Variants in TRPC4AP observed in about 807,000 individuals in gnomAD.
The protein encoded by TRPC4AP is short transient receptor potential channel 4-associated protein.
In TRPC4AP, 45 loss-of-function variants were observed where a neutral mutation model predicts 99.0. That is an observed-to-expected ratio of 0.45 (90% CI 0.36 to 0.58). The LOEUF is 0.58. TRPC4AP is among the 20% of genes least tolerant of loss of function. TRPC4AP has a pLI of 0.00. For synonymous variants in TRPC4AP, 408 were observed against 385.8 expected (o/e 1.06, Z -0.67); for missense variants, 879 against 985.3 (o/e 0.89, Z 1.44).
intron 1 of TRPC4AP, among the ~76,000 whole-genome samples, chr20:35,086,495 ATGTGTATATATATGTG>A (rs2084867090): frequency 9.2e-6 from 1 of 109,158 alleles, no homozygotes; most frequent in African/African-American, 3.5e-5. Flanking sequence ...GTATATATAT[ATGTGTATATATATGTG>A]TGTGTGTGTA....
At chr20:35,073,553 T>C (rs1240022622) in intron 2 of TRPC4AP, among the ~76,000 whole-genome samples, 2 of 152,244 alleles carry the variant, frequency 1.3e-5, no homozygotes, top group African/African-American at 4.8e-5. Context: ...TCTTTGGTTC[T>C]GTTTATATGA....
At chr20:35,005,320 G>A (rs1019361833) in intron 16 of TRPC4AP, among the ~76,000 whole-genome samples, 10 of 152,210 alleles carry the variant, frequency 6.6e-5, no homozygotes, top group South Asian at 2.1e-4. Flanking sequence ...AAACGCGTGC[G>A]CATACACATG....
chr20:35,021,917 A>ATCT (rs2147298462), intron 8 of TRPC4AP, among the ~76,000 whole-genome samples: 1 of 152,334 alleles, frequency 6.6e-6, no homozygotes, highest in South Asian at 2.1e-4. Context: ...TGAACATATT[A>ATCT]TCTACAGGCA....
Position 35,021,260 on chromosome 20 carries a change from T to A in TRPC4AP, c.1148A>T (p.His383Leu), listed in dbSNP as rs572367487. ...TQLPQSMKIM[H>L]EIMYKLEVLY... ...CACTTCCAGTTTGTACATGATCTCA[T>A]GCATAATCTTCATTGACTGGGGCAG... The change falls in exon 9 of 19, where the codon CAT (histidine) becomes CTT (leucine). Residue 383 changes from histidine to leucine, a missense_variant. His to Leu is a moderately conservative substitution (Grantham distance 99, BLOSUM62 -3). Coordinates refer to ENST00000252015, the MANE Select transcript of TRPC4AP (RefSeq NM_015638.3). 8 of 1,614,178 alleles carry A rather than the reference T, an allele frequency of 5.0e-6. No individual in the cohort carries two copies. The highest frequency in any genetic ancestry group is 4.4e-5 in the South Asian group (4 of 91,086).
chr20:35,055,134 G>A, intron 4 of TRPC4AP, 103 bp from the exon 5 acceptor site: 1 of 1,007,064 alleles, frequency 9.9e-7, no homozygotes, highest in Non-Finnish European at 1.5e-6. Context: ...TCCCCTCCAA[G>A]ATGATTATTT....
intron 13 of TRPC4AP, among the ~76,000 whole-genome samples, chr20:35,008,396 G>A (rs1569079542): frequency 6.6e-6 from 1 of 152,118 alleles, no homozygotes; most frequent in Admixed American, 6.5e-5. Flanking sequence ...TCATGGCAGG[G>A]CCCGTATCCT....
intron 1 of TRPC4AP, among the ~76,000 whole-genome samples, chr20:35,089,128 CA>C (rs1417534796): frequency 6.6e-6 from 1 of 151,498 alleles, no homozygotes; most frequent in Non-Finnish European, 1.5e-5. Context: ...CTCAGCTTCC[CA>C]AAGTGTTGGG....
intron 8 of TRPC4AP, among the ~76,000 whole-genome samples, chr20:35,024,114 C>T (rs987828376): frequency 2.8e-5 from 4 of 143,722 alleles, no homozygotes; most frequent in South Asian, 4.5e-4. Flanking sequence ...CTGTTTTCTG[C>T]GGACATGCAC....
intron 1 of TRPC4AP, among the ~76,000 whole-genome samples, chr20:35,080,522 C>T (rs1207657767): frequency 2.7e-5 from 3 of 110,356 alleles, no homozygotes; most frequent in East Asian, 2.5e-4. Context: ...AAAAACAAAG[C>T]GAGACTCCAT....
At chr20:35,048,809 C>G (rs1398305099) in intron 6 of TRPC4AP, among the ~76,000 whole-genome samples, 2 of 152,200 alleles carry the variant, frequency 1.3e-5, no homozygotes, top group South Asian at 2.1e-4. Context: ...GGTCCCCTTT[C>G]ACACACTGGC....
At chr20:35,057,443 G>A in intron 4 of TRPC4AP, 71 bp downstream of exon 4, 2 of 1,237,332 alleles carry the variant, frequency 1.6e-6, no homozygotes, top group Non-Finnish European at 2.3e-6. Context: ...AAGGAAGAAG[G>A]CAGCTGCTGG....
At chr20:35,031,413 T>TC (rs1406514620) in intron 8 of TRPC4AP, among the ~76,000 whole-genome samples, 10 of 128,758 alleles carry the variant, frequency 7.8e-5, no homozygotes, top group South Asian at 2.6e-4. Flanking sequence ...TTTTTTTTTT[T>TC]TTCAAAGAGA....
Position 35,021,307 on chromosome 20 carries a change from A to C in TRPC4AP, c.1101T>G (p.Pro367=). 2 of 1,614,202 alleles carry C rather than the reference A, an allele frequency of 1.2e-6. No homozygotes were observed. Among genetic ancestry groups the C allele is most frequent in the Non-Finnish European group, 1.7e-6 (2 of 1,180,044 alleles). The part of the protein sequence containing the change: ...PPGASEENGL[P]HTSARTQLPQ... ...GCAGCTGGGTTCTGGCTGACGTGTG[A>C]GGCAGGCCATTCTCCTCAGAAGCCC... The change falls in exon 9 of 19, where the codon CCT becomes CCG. Residue 367 remains proline (P), a synonymous_variant. Transcript: ENST00000252015.
intron 6 of TRPC4AP, among the ~76,000 whole-genome samples, chr20:35,048,991 G>A (rs1569120516): frequency 6.6e-6 from 1 of 152,174 alleles, no homozygotes; most frequent in Non-Finnish European, 1.5e-5. Context: ...TGAACGCTGG[G>A]TTCACCACAG....
At chr20:35,090,777 G>A (rs1373974450) in intron 1 of TRPC4AP, among the ~76,000 whole-genome samples, 1 of 152,092 alleles carries the variant, frequency 6.6e-6, no homozygotes, top group Non-Finnish European at 1.5e-5. Context: ...AACTTCTGTG[G>A]CTCCCTATTA....
intron 3 of TRPC4AP, among the ~76,000 whole-genome samples, chr20:35,060,496 TAGG>T (rs2083970722): frequency 7.0e-6 from 1 of 141,894 alleles, no homozygotes; most frequent in African/African-American, 2.7e-5. Context: ...GAGGCCGAGA[TAGG>T]AGGCTCGCTT....
chr20:35,055,130 C>T (rs1329866883), intron 4 of TRPC4AP, 99 bp from the exon 5 acceptor site: 1 of 1,018,430 alleles, frequency 9.8e-7, no homozygotes, highest in Admixed American at 2.2e-5. Context: ...ATAATCCCCT[C>T]CAAGATGATT....
chr20:35,029,849 G>A (rs2083134412), intron 8 of TRPC4AP, among the ~76,000 whole-genome samples: 3 of 146,580 alleles, frequency 2.0e-5, no homozygotes, highest in African/African-American at 7.4e-5. Context: ...CGTTAGCCAG[G>A]GTGGTCTCGA....
Position 35,018,370 on chromosome 20 carries a change from C to T in TRPC4AP, c.1219-2231G>A, listed in dbSNP as rs540204515. Reference sequence around the variant, plus strand: ...CAGCACTTTGGGAGGCCAAGGCGGGCGGATCACTTGAGGCCAGGAGTTTCA... The same window carrying T: ...CAGCACTTTGGGAGGCCAAGGCGGGTGGATCACTTGAGGCCAGGAGTTTCA... On this transcript the variant is annotated intron_variant, in intron 9 of 18. Coordinates refer to ENST00000252015, the MANE Select transcript of TRPC4AP (RefSeq NM_015638.3). Among the ~76,000 whole-genome samples the T allele has an allele frequency of 1.4e-4, 21 of 152,134 alleles. No homozygotes were observed. The South Asian group carries it at 3.3e-3, about 24-fold the overall frequency.
Sources: gnomAD v4.1 joint callset for allele counts (sites outside exome capture counted in the v4.1 genomes callset) on GRCh38, gnomAD v4.1.1 for gene constraint, MANE v1.5 for transcripts, NCBI Gene and HGNC (gene_info 2026-07-23, HGNC 2026-07-21) for gene names.